NYAP2: variants seen among roughly 807,000 people sequenced by gnomAD.
NYAP2 encodes the protein neuronal tyrosine-phosphorylated phosphoinositide-3-kinase adaptor 2, also known as neuronal tyrosine-phosphorylated phosphoinositide-3-kinase adapter 2.
In NYAP2, 23 loss-of-function variants were observed where a neutral mutation model predicts 50.4. That is an observed-to-expected ratio of 0.46 (90% confidence interval 0.33 to 0.65). The LOEUF (loss-of-function observed/expected upper bound fraction) is 0.65, where lower values mean the gene tolerates loss of function less well. NYAP2 is among the 30% of genes least tolerant of loss of function. The pLI is 0.02. For synonymous variants in NYAP2, 394 were observed against 365.2 expected (o/e 1.08, Z -0.90); for missense variants, 885 against 861.0 (o/e 1.03, Z -0.35).
At chr2:225,597,791 C>T (rs1454215671) in intron 5 of NYAP2, among the ~76,000 whole-genome samples, 3 of 151,494 alleles carry the variant, frequency 2.0e-5, no homozygotes, top group Admixed American at 1.3e-4. Context: ...TAAAGGAAAT[C>T]ATGCACAGGA....
chr2:225,472,174 G>A (rs1002398996), intron 3 of NYAP2, among the ~76,000 whole-genome samples: 5 of 152,110 alleles, frequency 3.3e-5, no homozygotes, highest in Admixed American at 6.6e-5. Context: ...AATCTGGCTC[G>A]CACGACTCAT....
At chr2:225,405,668 A>G (rs1005181607) in intron 2 of NYAP2, among the ~76,000 whole-genome samples, 2 of 151,978 alleles carry the variant, frequency 1.3e-5, no homozygotes, top group African/African-American at 2.4e-5. Context: ...CTATTTACTC[A>G]TAGTTCAGTT....
rs1695216520 is a variant in NYAP2 at position 225,421,638 on chromosome 2, T to C, written c.221+12537T>C. ...TTCAGGGTGAGACTAGAATCTAAAA[T>C]AGTTCATCCTTATGTCACCTTCTGG... On this transcript the variant is annotated intron_variant, in intron 3 of 6. Transcript: ENST00000636099. 2.0e-5 allele frequency among the ~76,000 whole-genome samples: 3 copies of C among 152,214 alleles called. No individual in the cohort carries two copies. In the South Asian group the frequency reaches 6.2e-4, roughly 32 times the overall value.
intron 2 of NYAP2, among the ~76,000 whole-genome samples, chr2:225,403,360 C>T (rs754492710): frequency 2.6e-4 from 40 of 152,028 alleles, no homozygotes; most frequent in Non-Finnish European, 3.4e-4. Flanking sequence ...ATGTGAAGTA[C>T]AATAAAAGTA....
At chr2:225,549,430 C>G (rs1691635925) in intron 4 of NYAP2, among the ~76,000 whole-genome samples, 1 of 152,018 alleles carries the variant, frequency 6.6e-6, no homozygotes, top group Admixed American at 6.6e-5. Flanking sequence ...CTGAGTGTGT[C>G]AAGCAAAGCT....
chr2:225,399,324 T>G (rs1694819683), upstream of NYAP2, among the ~76,000 whole-genome samples: 1 of 152,040 alleles, frequency 6.6e-6, no homozygotes, highest in African/African-American at 2.4e-5. Context: ...AGAAAAACTT[T>G]GAGCTTAATA....
chr2:225,432,793 T>A (rs1689290340), intron 3 of NYAP2, among the ~76,000 whole-genome samples: 1 of 152,224 alleles, frequency 6.6e-6, no homozygotes, highest in Non-Finnish European at 1.5e-5. Flanking sequence ...AGGTTCTGAC[T>A]CCTTCATATT....
Position 225,638,148 on chromosome 2 carries a change from T to C in NYAP2, c.1828+11022T>C, listed in dbSNP as rs561832682. On this transcript the variant is annotated intron_variant, in intron 6 of 6. Coordinates refer to ENST00000636099, the Ensembl canonical transcript of NYAP2. ...ATATTAGAGAGAATTTTAAACAGAC[T>C]CGTGTGTTTGTGTGTGTGTGTGTGT... 1.6e-4 allele frequency among the ~76,000 whole-genome samples: 20 copies of C among 122,164 alleles called. 2 individuals carry two copies. In the South Asian group the frequency reaches 5.3e-3, roughly 32 times the overall value. 80.1% of individuals were successfully genotyped at this position (122,164 alleles called of 152,430 possible).
the NYAP2 span, among the ~76,000 whole-genome samples, chr2:225,659,563 A>G: frequency 6.6e-6 from 1 of 152,236 alleles, no homozygotes; most frequent in African/African-American, 2.4e-5. Context: ...CTATGACATT[A>G]ACCACTCAAA....
intron 3 of NYAP2, among the ~76,000 whole-genome samples, chr2:225,411,603 A>C (rs964238354): frequency 6.6e-5 from 10 of 151,748 alleles, no homozygotes; most frequent in African/African-American, 2.4e-4. Context: ...ATTTAAATAG[A>C]GATGATAAAA....
At chr2:225,603,524 C>T (rs955010580) in intron 5 of NYAP2, among the ~76,000 whole-genome samples, 10 of 152,212 alleles carry the variant, frequency 6.6e-5, no homozygotes, top group Non-Finnish European at 8.8e-5. Flanking sequence ...TGCAGTAATG[C>T]GATCTCGGCT....
At chr2:225,589,761 T>G (rs1692462969) in intron 5 of NYAP2, among the ~76,000 whole-genome samples, 1 of 151,944 alleles carries the variant, frequency 6.6e-6, no homozygotes, top group Non-Finnish European at 1.5e-5. Context: ...GTTAAGGACT[T>G]TATATTCCCT....
intron 4 of NYAP2, 63 bp from the exon 5 acceptor site, chr2:225,581,877 CA>C: frequency 5.4e-6 from 8 of 1,470,940 alleles, no homozygotes; most frequent in Non-Finnish European, 6.4e-6. Flanking sequence ...AACCCACATG[CA>C]AATCATTTTT....
At chr2:225,671,121 C>A in the NYAP2 span, among the ~76,000 whole-genome samples, 1 of 151,976 alleles carries the variant, frequency 6.6e-6, no homozygotes, top group Non-Finnish European at 1.5e-5. Flanking sequence ...TTTGCCACAT[C>A]AATTTAACTC....
In NYAP2 at chr2:225,582,892, T is replaced by C. The variant is rs774413383; in HGVS notation, c.1475T>C (p.Val492Ala). ...GGGGCCAAGATGGTCAACGCCGCGG[T>C]GAACACCTACGGGGCAGCCCCGGGT... Residue 492 changes from valine to alanine, a missense_variant, in exon 5 of 7, where the codon GTG (valine) becomes GCG (alanine). Coordinates refer to ENST00000636099, the Ensembl canonical transcript of NYAP2. The surrounding 1 kb of genome is among the most constrained non-coding windows in gnomAD (Gnocchi z 7.0). The C allele has an allele frequency of 6.2e-7, 1 of 1,613,462 alleles. No homozygotes were observed. Among genetic ancestry groups the C allele is most frequent in the Admixed American group, 1.7e-5 (1 of 60,018 alleles).
intron 4 of NYAP2, among the ~76,000 whole-genome samples, chr2:225,527,851 T>G (rs1389277369): frequency 6.6e-6 from 1 of 152,156 alleles, no homozygotes; most frequent in African/African-American, 2.4e-5. Flanking sequence ...TCTTGTTATG[T>G]TGCCTGGGCT....
intron 4 of NYAP2, among the ~76,000 whole-genome samples, chr2:225,532,916 A>G (rs1254066945): frequency 2.0e-4 from 31 of 152,226 alleles, no homozygotes; most frequent in African/African-American, 2.4e-5. Flanking sequence ...CTGAGTGTCT[A>G]CTATGCATGT....
chr2:225,524,329 G>T (rs1156916755), intron 4 of NYAP2, among the ~76,000 whole-genome samples: 1 of 152,146 alleles, frequency 6.6e-6, no homozygotes, highest in Non-Finnish European at 1.5e-5. Flanking sequence ...AAAGATGAAG[G>T]TTGGAAGACT....
intron 4 of NYAP2, among the ~76,000 whole-genome samples, chr2:225,551,426 A>C (rs1691672741): frequency 6.6e-6 from 1 of 152,254 alleles, no homozygotes; most frequent in Admixed American, 6.5e-5. Context: ...GACCTCTTCC[A>C]ATCAAACTTC....
Sources: allele counts gnomAD v4.1 joint callset (sites outside exome capture counted in the v4.1 genomes callset), GRCh38; gene constraint gnomAD v4.1.1; non-coding constraint Gnocchi (gnomAD v3.1); transcripts MANE v1.5; gene names NCBI Gene and HGNC (gene_info 2026-07-23, HGNC 2026-07-21).